The following FMN2 variants were observed in gnomAD, a reference collection of about 807,000 sequenced individuals.
The protein encoded by FMN2 is formin-2.
In FMN2, 51 loss-of-function variants were observed where a neutral mutation model predicts 142.3. That is an observed-to-expected ratio of 0.36 (90% CI 0.29 to 0.45). FMN2 has a LOEUF of 0.45. FMN2 is among the 20% of genes least tolerant of loss of function. The pLI, the probability that FMN2 is intolerant of heterozygous loss-of-function variation, is 1.00. For synonymous variants in FMN2, 882 were observed against 869.8 expected (o/e 1.01, Z -0.25); for missense variants, 1,936 against 2,122.8 (o/e 0.91, Z 1.73).
chr1:240,163,464 T>A (rs1372237625), intron 2 of FMN2, among the ~76,000 whole-genome samples: 6 of 152,234 alleles, frequency 3.9e-5, no homozygotes, highest in Non-Finnish European at 7.3e-5. Context: ...TCACTTTGTT[T>A]CTTATGATGC....
chr1:240,149,473 A>G (rs930838111), intron 2 of FMN2, among the ~76,000 whole-genome samples: 30 of 152,204 alleles, frequency 2.0e-4, no homozygotes, highest in Admixed American at 2.0e-3. Flanking sequence ...GCATTAAATT[A>G]TTTTATTGCA....
chr1:240,380,229 T>C (rs990774414), intron 14 of FMN2, among the ~76,000 whole-genome samples: 2 of 152,154 alleles, frequency 1.3e-5, no homozygotes, highest in African/African-American at 4.8e-5. Flanking sequence ...ACCATGTGCT[T>C]AGCCAAAAAG....
Position 240,228,303 on chromosome 1 carries a change from CAAAAAAAAA to C in FMN2, c.4065+17089_4065+17097del, listed in dbSNP as rs577421634. Among the ~76,000 whole-genome samples the C allele has an allele frequency of 2.5e-3, 119 of 47,738 alleles. 1 individual carries two copies. The highest frequency in any genetic ancestry group is 6.4e-3 in the African/African-American group (108 of 16,768). 31.3% of individuals were successfully genotyped at this position (47,738 alleles called of 152,430 possible). On this transcript the variant is annotated intron_variant, in intron 6 of 17. Coordinates refer to ENST00000319653, the MANE Select transcript of FMN2 (RefSeq NM_020066.5). The stretch of plus-strand genomic sequence containing the variant: ...GGGCAACAAGAGTGAAACTCTGTCT[CAAAAAAAAA>C]AAAAAAAAAAAAAAAAAAAAGAAAA...
At chr1:240,289,185 G>A (rs1318667476) in intron 7 of FMN2, among the ~76,000 whole-genome samples, 1 of 152,168 alleles carries the variant, frequency 6.6e-6, no homozygotes, top group Non-Finnish European at 1.5e-5. Flanking sequence ...GTAGGTGACT[G>A]CAGTGGCTGG....
chr1:240,181,902 C>CTATT (rs1665169383), intron 3 of FMN2, among the ~76,000 whole-genome samples: 2 of 152,130 alleles, frequency 1.3e-5, no homozygotes, highest in African/African-American at 4.8e-5. Flanking sequence ...TTCTGGAGTC[C>CTATT]CATGACATCC....
rs562314138 is a variant in FMN2 at position 240,133,722 on chromosome 1, A to G, written c.1782+10377A>G. On this transcript the variant is annotated intron_variant, in intron 2 of 17. Coordinates refer to ENST00000319653, the MANE Select transcript of FMN2 (RefSeq NM_020066.5). ...CCAGTTAGCCTCCACTCTTTCTCATAGGATGCTATTCAGAGTTAGATGCCA... is the reference window on the plus strand; with the variant it reads ...CCAGTTAGCCTCCACTCTTTCTCATGGGATGCTATTCAGAGTTAGATGCCA... Among the ~76,000 whole-genome samples, 45 of 152,278 alleles carry G rather than the reference A, an allele frequency of 3.0e-4. No homozygotes were observed. In the South Asian group the frequency reaches 8.9e-3, roughly 30 times the overall value.
chr1:240,388,879 G>GT (rs1005184077), intron 14 of FMN2, among the ~76,000 whole-genome samples: 4 of 144,852 alleles, frequency 2.8e-5, no homozygotes, highest in African/African-American at 1.1e-4. Flanking sequence ...AAAAAAAAAG[G>GT]GGGGGGGTCA....
intron 16 of FMN2, among the ~76,000 whole-genome samples, chr1:240,461,577 A>G (rs1161942095): frequency 2.6e-5 from 4 of 152,330 alleles, no homozygotes; most frequent in Non-Finnish European, 5.9e-5. Context: ...ATACATTGCA[A>G]GTCATCTATT....
intron 1 of FMN2, among the ~76,000 whole-genome samples, chr1:240,104,032 T>G (rs545405435): frequency 6.6e-6 from 1 of 151,358 alleles, no homozygotes; most frequent in Non-Finnish European, 1.5e-5. Flanking sequence ...GCCCGCCACC[T>G]CGCCTGGCTA....
At chr1:240,121,134 C>A (rs1191146691) in intron 1 of FMN2, among the ~76,000 whole-genome samples, 1 of 150,760 alleles carries the variant, frequency 6.6e-6, no homozygotes, top group Non-Finnish European at 1.5e-5. Flanking sequence ...GCGCGGGTGA[C>A]AGCGAAAGTC....
At chr1:240,145,004 T>A in intron 2 of FMN2, 2 of 1,314,448 alleles carry the variant, frequency 1.5e-6, no homozygotes, top group Non-Finnish European at 2.2e-6. Flanking sequence ...AGAGATGATG[T>A]CAGCAGCAAA....
chr1:240,270,325 T>G (rs918877348), intron 7 of FMN2, among the ~76,000 whole-genome samples: 5 of 152,116 alleles, frequency 3.3e-5, no homozygotes, highest in Admixed American at 6.6e-5. Context: ...TGGAAAACAG[T>G]GTGAAGATTT....
intron 6 of FMN2, among the ~76,000 whole-genome samples, chr1:240,256,898 C>A (rs1160899811): frequency 6.6e-6 from 1 of 152,192 alleles, no homozygotes; most frequent in Non-Finnish European, 1.5e-5. Flanking sequence ...TTGTTTTACT[C>A]TGTGACTTTG....
chr1:240,430,693 A>G (rs966559642), intron 15 of FMN2, among the ~76,000 whole-genome samples: 20 of 142,164 alleles, frequency 1.4e-4, no homozygotes, highest in African/African-American at 5.0e-4. Context: ...CAGATACCCC[A>G]TTGTTCTAGC....
chr1:240,420,166 A>T (rs1674715426), intron 15 of FMN2, among the ~76,000 whole-genome samples: 1 of 152,124 alleles, frequency 6.6e-6, no homozygotes, highest in South Asian at 2.1e-4. Context: ...AGTGATGCTG[A>T]TACCCCTCTT....
chr1:240,430,248 G>A (rs922514015), intron 15 of FMN2, among the ~76,000 whole-genome samples: 1 of 152,002 alleles, frequency 6.6e-6, no homozygotes, highest in Admixed American at 6.6e-5. Context: ...TAATAGGCGA[G>A]GGTAGGTTTT....
intron 16 of FMN2, among the ~76,000 whole-genome samples, chr1:240,462,682 T>G (rs16840124): frequency 0.065 from 9,898 of 152,264 alleles, 405 homozygotes; most frequent in Middle Eastern, 0.13. Context: ...GTGTGAGCTT[T>G]AATGTAATGC....
intron 1 of FMN2, among the ~76,000 whole-genome samples, chr1:240,108,521 A>T (rs996843851): frequency 1.3e-5 from 2 of 152,134 alleles, no homozygotes; most frequent in Non-Finnish European, 2.9e-5. Flanking sequence ...CAACATCCTT[A>T]TTTCCTCCTA....
chr1:240,181,906 G>T (rs1051249152), intron 3 of FMN2, among the ~76,000 whole-genome samples: 3 of 152,054 alleles, frequency 2.0e-5, no homozygotes, highest in African/African-American at 7.2e-5. Context: ...GGAGTCCCAT[G>T]ACATCCTATT....
Sources: gnomAD v4.1 joint callset for allele counts (sites outside exome capture counted in the v4.1 genomes callset) on GRCh38, gnomAD v4.1.1 for gene constraint, MANE v1.5 for transcripts, NCBI Gene and HGNC (gene_info 2026-07-23, HGNC 2026-07-21) for gene names.